L3MBTL4: variants seen among roughly 807,000 people sequenced by gnomAD.
L3MBTL4 encodes lethal(3)malignant brain tumor-like protein 4.
In L3MBTL4, 70 loss-of-function variants were observed where a neutral mutation model predicts 84.5. The ratio of observed to expected loss-of-function variants is 0.83; its 90% CI spans 0.68 to 1.01. The LOEUF (loss-of-function observed/expected upper bound fraction) is 1.01, where lower values mean the gene tolerates loss of function less well. Among genes scored for constraint, L3MBTL4 ranks in the 50% least tolerant of loss-of-function variants. L3MBTL4 has a pLI of 0.00. For synonymous variants in L3MBTL4, 274 were observed against 259.8 expected (o/e 1.05, Z -0.52); for missense variants, 715 against 754.8 (o/e 0.95, Z 0.62).
intron 16 of L3MBTL4, among the ~76,000 whole-genome samples, chr18:6,022,749 T>C (rs1906893170): frequency 6.6e-6 from 1 of 152,258 alleles, no homozygotes; most frequent in Admixed American, 6.5e-5. Flanking sequence ...CGGCCATAAG[T>C]AAGGCAGGAG....
At chr18:6,077,542 T>A (rs144532783) in intron 16 of L3MBTL4, among the ~76,000 whole-genome samples, 1 of 152,240 alleles carries the variant, frequency 6.6e-6, no homozygotes, top group African/African-American at 2.4e-5. Flanking sequence ...AGCATACATA[T>A]GGTGAATAAA....
At chr18:6,231,968 T>C (rs1358054949) in intron 10 of L3MBTL4, among the ~76,000 whole-genome samples, 1 of 152,132 alleles carries the variant, frequency 6.6e-6, no homozygotes, top group Non-Finnish European at 1.5e-5. Flanking sequence ...TTGTTCCTGA[T>C]CTTACAGGAA....
At chr18:6,267,001 G>A (rs2048664707) in intron 4 of L3MBTL4, among the ~76,000 whole-genome samples, 1 of 151,906 alleles carries the variant, frequency 6.6e-6, no homozygotes, top group African/African-American at 2.4e-5. Flanking sequence ...AAGTGTGCAG[G>A]AAAATGTTAC....
At chr18:6,052,739 C>T (rs1372186586) in intron 16 of L3MBTL4, among the ~76,000 whole-genome samples, 1 of 152,138 alleles carries the variant, frequency 6.6e-6, no homozygotes, top group Admixed American at 6.5e-5. Flanking sequence ...CTTACTTTGC[C>T]AATAGTGGAG....
intron 12 of L3MBTL4, among the ~76,000 whole-genome samples, chr18:6,206,516 G>A (rs2045882388): frequency 6.6e-6 from 1 of 152,148 alleles, no homozygotes; most frequent in Admixed American, 6.6e-5. Flanking sequence ...TATCCAGGGA[G>A]TTCTAGAGTA....
chr18:6,324,488 C>A (rs917640829), intron 1 of L3MBTL4, among the ~76,000 whole-genome samples: 3 of 152,244 alleles, frequency 2.0e-5, no homozygotes, highest in African/African-American at 7.2e-5. Context: ...CTCCTGAGTC[C>A]TTGTTGGACC....
At chr18:5,972,581 C>T (rs890809817) in intron 16 of L3MBTL4, among the ~76,000 whole-genome samples, 13 of 152,248 alleles carry the variant, frequency 8.5e-5, no homozygotes, top group African/African-American at 2.2e-4. Context: ...ATTAACACAA[C>T]GCAAGACTAA....
chr18:5,988,863 G>A (rs2053570749), intron 16 of L3MBTL4, among the ~76,000 whole-genome samples: 1 of 152,122 alleles, frequency 6.6e-6, no homozygotes, highest in Non-Finnish European at 1.5e-5. Flanking sequence ...CTGTCACCAG[G>A]GTTGAGACAC....
intron 16 of L3MBTL4, among the ~76,000 whole-genome samples, chr18:5,992,776 C>T (rs1045484561): frequency 9.2e-5 from 14 of 152,194 alleles, no homozygotes; most frequent in South Asian, 6.2e-4. Flanking sequence ...CTTCGCCTTC[C>T]GCCATGAGTA....
chr18:6,068,723 C>T (rs1018529153), intron 16 of L3MBTL4, among the ~76,000 whole-genome samples: 5 of 152,030 alleles, frequency 3.3e-5, no homozygotes, highest in African/African-American at 1.2e-4. Context: ...GGGAAAAGGA[C>T]CCCCTTTCCA....
chr18:6,170,662 G>A lies in L3MBTL4; in HGVS notation c.1096+1166C>T, dbSNP rs16949544. ...AGCTGTCCCTGTATCTGCAATGCTG[G>A]TCCACGCCTACCCCAGCGGAAATCG... On this transcript the variant is annotated intron_variant, in intron 13 of 18. Transcript: ENST00000317931. Among the ~76,000 whole-genome samples the A allele has an allele frequency of 7.7e-3, 1,165 of 152,146 alleles. 15 individuals carry two copies. Among genetic ancestry groups the A allele is most frequent in the African/African-American group, 0.027 (1,118 of 41,472 alleles).
intron 12 of L3MBTL4, among the ~76,000 whole-genome samples, chr18:6,205,827 G>A (rs1024447423): frequency 6.6e-6 from 1 of 152,210 alleles, no homozygotes. Flanking sequence ...AAGAGACGAT[G>A]TTTGGCATAA....
intron 17 of L3MBTL4, among the ~76,000 whole-genome samples, chr18:5,968,371 T>C (rs1219682328): frequency 6.6e-6 from 1 of 152,192 alleles, no homozygotes; most frequent in Admixed American, 6.5e-5. Context: ...AGCATTATTG[T>C]AAAGCAATGG....
intron 15 of L3MBTL4, among the ~76,000 whole-genome samples, chr18:6,083,008 C>T (rs2143334868): frequency 6.6e-6 from 1 of 152,284 alleles, no homozygotes; most frequent in South Asian, 2.1e-4. Context: ...CATTGAGAGA[C>T]TGGGCTCAGA....
chr18:5,982,259 C>T (rs926048272), intron 16 of L3MBTL4, among the ~76,000 whole-genome samples: 2 of 152,114 alleles, frequency 1.3e-5, no homozygotes, highest in African/African-American at 2.4e-5. Flanking sequence ...GCACTTTGGC[C>T]CAGCTCCTGC....
At chr18:6,079,894 C>G (rs939765998) in intron 16 of L3MBTL4, 5 of 152,194 alleles carry the variant, frequency 3.3e-5, no homozygotes, top group African/African-American at 1.2e-4. Context: ...AAACATGTAG[C>G]TGCACAATGA....
chr18:5,957,841 C>T (rs963136007), intron 18 of L3MBTL4, among the ~76,000 whole-genome samples: 15 of 151,306 alleles, frequency 9.9e-5, no homozygotes, highest in Middle Eastern at 3.4e-3. Flanking sequence ...TAGTGGCATG[C>T]GCCTGTAGTC....
Position 6,414,539 on chromosome 18 carries a change from C to T in L3MBTL4, c.-91+262G>A, listed in dbSNP as rs941500850. On this transcript the variant is annotated intron_variant, in intron 1 of 18. Transcript: ENST00000317931. The surrounding 1 kb of genome is among the most constrained non-coding windows in gnomAD (Gnocchi z 5.4). Reference sequence around the variant, plus strand: ...CGCCGGGCTCTGCGGCGGCCGCGCCCGTCCAAAGTAGGCGACAAGTGAGGC... The same window carrying T: ...CGCCGGGCTCTGCGGCGGCCGCGCCTGTCCAAAGTAGGCGACAAGTGAGGC... Among the ~76,000 whole-genome samples, 1 of 151,932 alleles carries T rather than the reference C, an allele frequency of 6.6e-6. No homozygotes were observed. Among genetic ancestry groups the T allele is most frequent in the Non-Finnish European group, 1.5e-5 (1 of 67,958 alleles).
chr18:5,983,089 G>A (rs1277520625), intron 16 of L3MBTL4, among the ~76,000 whole-genome samples: 1 of 152,198 alleles, frequency 6.6e-6, no homozygotes, highest in African/African-American at 2.4e-5. Flanking sequence ...GGAGGCTCAA[G>A]TTGCTCACGT....
Sources: allele counts gnomAD v4.1 joint callset (sites outside exome capture counted in the v4.1 genomes callset), GRCh38; gene constraint gnomAD v4.1.1; non-coding constraint Gnocchi (gnomAD v3.1); transcripts MANE v1.5; gene names NCBI Gene and HGNC (gene_info 2026-07-23, HGNC 2026-07-21).